The following BTF3L4 variants were observed in gnomAD, a reference collection of about 807,000 sequenced individuals.
BTF3L4 encodes transcription factor BTF3 homolog 4.
In BTF3L4, 6 loss-of-function variants were observed where a neutral mutation model predicts 16.8. That is an observed-to-expected ratio of 0.36 (90% CI 0.20 to 0.71). The LOEUF is 0.71. BTF3L4 is among the 30% of genes least tolerant of loss of function. The pLI, the probability that BTF3L4 is intolerant of heterozygous loss-of-function variation, is 0.58. For synonymous variants in BTF3L4, 39 were observed against 59.8 expected (o/e 0.65, Z 1.60); for missense variants, 92 against 186.9 (o/e 0.49, Z 2.96).
intron 3 of BTF3L4, among the ~76,000 whole-genome samples, chr1:52,079,272 A>G (rs1362251335): frequency 1.3e-5 from 2 of 151,788 alleles, no homozygotes; most frequent in Non-Finnish European, 1.5e-5. Context: ...AATCCCAGCT[A>G]CTTGGGAGGC....
At chr1:52,060,428 G>C (rs1686480372) in intron 2 of BTF3L4, 3 of 1,255,724 alleles carry the variant, frequency 2.4e-6, no homozygotes, top group Middle Eastern at 4.4e-4. Context: ...TCATTGCCAG[G>C]TTTTCCTCAC....
chr1:52,089,987 A>T lies in BTF3L4; in HGVS notation c.*3229A>T, dbSNP rs533581488. 1 of 152,280 alleles carries T rather than the reference A, an allele frequency of 6.6e-6. No homozygotes were observed. Among genetic ancestry groups the T allele is most frequent in the East Asian group, 1.9e-4 (1 of 5,188 alleles). 9.4% of individuals were successfully genotyped at this position (152,280 alleles called of 1,614,324 possible). On this transcript the variant is annotated 3_prime_UTR_variant, in exon 6 of 6. Transcript: ENST00000313334. ...ACCCTAGGTATGCTACATACCCATA[A>T]ATAAGATACCATGGTAAGAGATAGT...
chr1:52,059,699 G>A, intron 1 of BTF3L4, 136 bp from the exon 2 acceptor site: 1 of 535,816 alleles, frequency 1.9e-6, no homozygotes, highest in East Asian at 3.2e-5. Context: ...TGTTTATTAA[G>A]AATATAGACA....
At chr1:52,070,421 A>G (rs1686758718) in intron 3 of BTF3L4, among the ~76,000 whole-genome samples, 2 of 150,118 alleles carry the variant, frequency 1.3e-5, no homozygotes, top group Admixed American at 6.6e-5. Flanking sequence ...AGAAAAATCC[A>G]AGGCTGTCAG....
rs540603594 is a variant in BTF3L4 at position 52,056,322 on chromosome 1, T to G, written c.-71T>G. 138 of 157,388 alleles carry G rather than the reference T, an allele frequency of 8.8e-4. No individual in the cohort carries two copies. Among genetic ancestry groups the G allele is most frequent in the Non-Finnish European group, 1.6e-3 (117 of 71,206 alleles). 9.7% of individuals were successfully genotyped at this position (157,388 alleles called of 1,614,324 possible). On this transcript the variant is annotated 5_prime_UTR_variant, in exon 1 of 6. Transcript: ENST00000313334. ...CGCCGTCGTCTTTCTCTGTCTCGGCTGAGGCAGCCATCTTTCTCTTGCCGC... is the reference window on the plus strand; with the variant it reads ...CGCCGTCGTCTTTCTCTGTCTCGGCGGAGGCAGCCATCTTTCTCTTGCCGC...
intron 1 of BTF3L4, among the ~76,000 whole-genome samples, chr1:52,059,365 T>G (rs1686453708): frequency 6.6e-6 from 1 of 152,204 alleles, no homozygotes; most frequent in African/African-American, 2.4e-5. Context: ...TTTTTTTTCC[T>G]TTTGTCATCT....
chr1:52,087,759 G>C lies in BTF3L4; in HGVS notation c.*1001G>C, dbSNP rs1643985396. The C allele has an allele frequency of 6.6e-6, 1 of 152,652 alleles. No homozygotes were observed. The highest frequency in any genetic ancestry group is 2.1e-4 in the South Asian group (1 of 4,832). The allele number at this position is 152,652 out of a possible 1,614,324, so 9.5% of individuals were successfully genotyped here. ...AAAATGCCTGTTTTTCAGCAAGGTTGAAATTGGGAATGTCCTTTTGAATCA... is the reference window on the plus strand; with the variant it reads ...AAAATGCCTGTTTTTCAGCAAGGTTCAAATTGGGAATGTCCTTTTGAATCA... On this transcript the variant is annotated 3_prime_UTR_variant, in exon 6 of 6. Coordinates refer to ENST00000313334, the MANE Select transcript of BTF3L4 (RefSeq NM_152265.5).
chr1:52,078,222 G>A (rs1193125394), intron 3 of BTF3L4, among the ~76,000 whole-genome samples: 4 of 69,984 alleles, frequency 5.7e-5, no homozygotes, highest in African/African-American at 1.3e-4. Flanking sequence ...CACCTGGATT[G>A]CTTTTGCTTT....
chr1:52,086,368 G>T (rs1643973226), intron 5 of BTF3L4, 197 bp downstream of exon 5: 2 of 489,816 alleles, frequency 4.1e-6, no homozygotes. Context: ...GTCACACAAA[G>T]CTCTGCTGCC....
chr1:52,084,330 A>T (rs1643949951), intron 4 of BTF3L4, among the ~76,000 whole-genome samples: 1 of 152,100 alleles, frequency 6.6e-6, no homozygotes, highest in Non-Finnish European at 1.5e-5. Flanking sequence ...TTTAGTATAC[A>T]CAGGGTTTCG....
chr1:52,064,428 C>T (rs1686594746), intron 2 of BTF3L4, among the ~76,000 whole-genome samples: 1 of 152,224 alleles, frequency 6.6e-6, no homozygotes, highest in South Asian at 2.1e-4. Flanking sequence ...CCCCAAATTT[C>T]AGAATATCTT....
intron 4 of BTF3L4, among the ~76,000 whole-genome samples, chr1:52,083,803 T>G (rs374757047): frequency 6.6e-6 from 1 of 152,124 alleles, no homozygotes; most frequent in East Asian, 1.9e-4. Context: ...GCAGATTGCC[T>G]GAGGTCAGGA....
At chr1:52,077,136 A>G (rs572329064) in intron 3 of BTF3L4, among the ~76,000 whole-genome samples, 1 of 152,258 alleles carries the variant, frequency 6.6e-6, no homozygotes, top group East Asian at 1.9e-4. Context: ...AAGCCACTGT[A>G]CTCCAGCCTG....
intron 3 of BTF3L4, among the ~76,000 whole-genome samples, chr1:52,071,812 A>G (rs1339850427): frequency 6.6e-6 from 1 of 151,982 alleles, no homozygotes; most frequent in African/African-American, 2.4e-5. Flanking sequence ...ATAGATAGAC[A>G]GCTCTGAGTA....
intron 3 of BTF3L4, among the ~76,000 whole-genome samples, chr1:52,081,636 A>G (rs1242614841): frequency 2.0e-5 from 3 of 152,194 alleles, no homozygotes; most frequent in African/African-American, 7.2e-5. Context: ...CTTCAAAACT[A>G]TATAATTTAT....
At chr1:52,086,631 G>T in intron 5 of BTF3L4, 81 bp from the exon 6 acceptor site, 2 of 797,872 alleles carry the variant, frequency 2.5e-6, no homozygotes, top group Non-Finnish European at 4.0e-6. Context: ...ATTTTTTCGG[G>T]GGTTAGAAGT....
In BTF3L4 at chr1:52,086,116, G is replaced by A. The variant is rs1643971165; in HGVS notation, c.375G>A (p.Leu125=). 1 of 1,604,796 alleles carries A rather than the reference G, an allele frequency of 6.2e-7. No individual in the cohort carries two copies. Among genetic ancestry groups the A allele is most frequent in the African/African-American group, 1.3e-5 (1 of 74,454 alleles). ...KLAEQFPRQV[L]DSKAPKPEDI... ...ATTAAAATAAACTTTTTGTAGTCTTGGACAGTAAAGCACCAAAACCAGAAG... is the reference window on the plus strand; with the variant it reads ...ATTAAAATAAACTTTTTGTAGTCTTAGACAGTAAAGCACCAAAACCAGAAG... The change falls in exon 5 of 6, where the codon TTG becomes TTA. Residue 125 remains leucine, a synonymous_variant. Coordinates refer to ENST00000313334, the MANE Select transcript of BTF3L4 (RefSeq NM_152265.5).
At chr1:52,073,741 T>G (rs552963882) in intron 3 of BTF3L4, among the ~76,000 whole-genome samples, 1 of 144,542 alleles carries the variant, frequency 6.9e-6, no homozygotes, top group East Asian at 2.0e-4. Flanking sequence ...GGCTCAAGCC[T>G]GTAATCCCAG....
intron 3 of BTF3L4, among the ~76,000 whole-genome samples, chr1:52,070,819 A>G (rs991719736): frequency 3.3e-5 from 5 of 151,806 alleles, no homozygotes; most frequent in African/African-American, 1.2e-4. Context: ...TATTTTTAGT[A>G]GAGACGGGGT....
Sources: allele counts gnomAD v4.1 joint callset (sites outside exome capture counted in the v4.1 genomes callset), GRCh38; gene constraint gnomAD v4.1.1; transcripts MANE v1.5; gene names NCBI Gene and HGNC (gene_info 2026-07-23, HGNC 2026-07-21).